ADD3: variants seen among roughly 807,000 people sequenced by gnomAD.
ADD3 encodes gamma-adducin.
In ADD3, 25 loss-of-function variants were observed where a neutral mutation model predicts 80.2. The observed-to-expected ratio is 0.31, with a 90% CI of 0.23 to 0.44. The LOEUF (loss-of-function observed/expected upper bound fraction) is 0.44. Ranked by LOEUF, ADD3 falls within the 20% of genes least tolerant of loss-of-function variation. ADD3 has a pLI of 1.00. For missense variants in ADD3, 829 were observed against 847.5 expected (o/e 0.98, Z 0.27); for synonymous variants, 284 against 289.6 (o/e 0.98, Z 0.20).
intron 1 of ADD3, among the ~76,000 whole-genome samples, chr10:110,019,196 T>A (rs1853358297): frequency 6.6e-6 from 1 of 152,210 alleles, no homozygotes; most frequent in Non-Finnish European, 1.5e-5. Flanking sequence ...ACCATTTCAC[T>A]TAAAATTTTT....
chr10:110,034,326 T>C (rs1048378132), intron 1 of ADD3, among the ~76,000 whole-genome samples: 4 of 152,136 alleles, frequency 2.6e-5, no homozygotes, highest in African/African-American at 9.7e-5. Context: ...TGAATTGATA[T>C]TGACATATAT....
chr10:110,025,755 TCATTA>T (rs1188935017), intron 1 of ADD3, among the ~76,000 whole-genome samples: 1 of 152,180 alleles, frequency 6.6e-6, no homozygotes, highest in Non-Finnish European at 1.5e-5. Flanking sequence ...TTTTTTCACT[TCATTA>T]CATTACGAGC....
At chr10:110,062,024 C>T (rs1307505758) in intron 1 of ADD3, among the ~76,000 whole-genome samples, 2 of 151,730 alleles carry the variant, frequency 1.3e-5, no homozygotes, top group East Asian at 3.9e-4. Flanking sequence ...CCCAGAAATT[C>T]GAGGCTAGCC....
intron 1 of ADD3, among the ~76,000 whole-genome samples, chr10:110,054,190 T>G: frequency 6.6e-6 from 1 of 152,326 alleles, no homozygotes; most frequent in East Asian, 1.9e-4. Context: ...TTAAAATTTA[T>G]TTTGGGGGAA....
intron 1 of ADD3, among the ~76,000 whole-genome samples, chr10:110,045,277 C>T (rs562489527): frequency 1.2e-3 from 185 of 152,224 alleles, no homozygotes; most frequent in African/African-American, 4.1e-3. Context: ...TTGCTTGAAC[C>T]CAGGAGTCGG....
At chr10:110,002,077 G>A (rs752154997), upstream of ADD3, among the ~76,000 whole-genome samples, 17 of 152,044 alleles carry the variant, frequency 1.1e-4, no homozygotes, top group East Asian at 3.9e-4. Flanking sequence ...CAGATCGCTC[G>A]AGGCCAGGAG....
intron 14 of ADD3, 29 bp downstream of exon 14, chr10:110,132,429 T>A (rs1853148415): frequency 4.2e-6 from 6 of 1,444,902 alleles, no homozygotes; most frequent in Non-Finnish European, 5.8e-6. Flanking sequence ...CACATAGCAT[T>A]CACTGAGTTA....
intron 1 of ADD3, among the ~76,000 whole-genome samples, chr10:110,041,597 A>T (rs181736280): frequency 6.6e-6 from 1 of 152,310 alleles, no homozygotes; most frequent in East Asian, 1.9e-4. Context: ...TAGGATGTTC[A>T]CACTCACATT....
At chr10:110,041,283 A>C (rs1282698922) in intron 1 of ADD3, among the ~76,000 whole-genome samples, 1 of 152,192 alleles carries the variant, frequency 6.6e-6, no homozygotes, top group Non-Finnish European at 1.5e-5. Context: ...TGTGGGAGGC[A>C]GATGAGGTTT....
chr10:110,062,872 A>G (rs1859100286), intron 1 of ADD3, among the ~76,000 whole-genome samples: 1 of 152,204 alleles, frequency 6.6e-6, no homozygotes. Context: ...TACACTGAGA[A>G]TTCAGAAAAT....
intron 12 of ADD3, among the ~76,000 whole-genome samples, chr10:110,129,979 A>C (rs1021060745): frequency 3.3e-5 from 5 of 152,288 alleles, no homozygotes; most frequent in Middle Eastern, 3.4e-3. Flanking sequence ...GATTTAAAGA[A>C]CTACTTTTGG....
chr10:110,054,475 C>T, intron 1 of ADD3, among the ~76,000 whole-genome samples: 1 of 139,808 alleles, frequency 7.2e-6, no homozygotes, highest in Non-Finnish European at 1.5e-5. Flanking sequence ...GGAGTCTTGC[C>T]ATGTTGCCCA....
chr10:110,126,409 C>A lies in ADD3; in HGVS notation c.1522-8C>A, dbSNP rs1852164866. ...AAGAACTTTATATTGAATTGTTTTT[C>A]AATTCAGATTCGGGAACAAAATCGA... is the stretch of plus-strand genomic sequence containing the variant. On this transcript the variant is annotated splice_region_variant and splice_polypyrimidine_tract_variant and intron_variant, in intron 11 of 14. Transcript: ENST00000356080. 4 of 1,610,100 alleles carry A rather than the reference C, an allele frequency of 2.5e-6. No homozygotes were observed. In the South Asian group the frequency reaches 4.4e-5, roughly 18 times the overall value.
chr10:110,023,107 T>G (rs972502166), intron 1 of ADD3, among the ~76,000 whole-genome samples: 2 of 152,102 alleles, frequency 1.3e-5, no homozygotes, highest in African/African-American at 2.4e-5. Flanking sequence ...GCAAAGAGGT[T>G]AGGAGGCATT....
chr10:110,081,145 T>A (rs1045103076), intron 1 of ADD3, among the ~76,000 whole-genome samples: 1 of 152,244 alleles, frequency 6.6e-6, no homozygotes, highest in Non-Finnish European at 1.5e-5. Flanking sequence ...TTAGTTTCTT[T>A]GCAGAAGGCT....
chr10:110,133,806 A>C lies in ADD3; in HGVS notation c.*188A>C. The C allele has an allele frequency of 2.2e-6, 1 of 451,850 alleles. No individual in the cohort carries two copies. Among genetic ancestry groups the C allele is most frequent in the Non-Finnish European group, 3.8e-6 (1 of 263,232 alleles). The allele number at this position is 451,850 out of a possible 1,614,324, so 28.0% of individuals were successfully genotyped here. A position where few individuals can be genotyped will look rare whatever the true frequency, so the allele number is the denominator to read the frequency against. ...TCATCTCTCATTTTATATGTCCAGAAATGGCTTTGAATTTTAAGCAATTAC... is the reference window on the plus strand; with the variant it reads ...TCATCTCTCATTTTATATGTCCAGACATGGCTTTGAATTTTAAGCAATTAC... On this transcript the variant is annotated 3_prime_UTR_variant, in exon 15 of 15. Transcript: ENST00000356080.
rs181525354 is a variant in ADD3, at chr10:110,059,376, G to A, written c.-29-41249G>A. ...AATCCCAGCTACTCAGGAGGCTGAC[G>A]CAGGAGAATTGCTTGAACCCGGGAG... On this transcript the variant is annotated intron_variant, in intron 1 of 14. Coordinates refer to ENST00000356080, the MANE Select transcript of ADD3 (RefSeq NM_016824.5). Among the ~76,000 whole-genome samples the A allele has an allele frequency of 1.7e-4, 26 of 152,276 alleles. No homozygotes were observed. The East Asian group carries it at 5.0e-3, about 29-fold the overall frequency.
intron 5 of ADD3, among the ~76,000 whole-genome samples, chr10:110,117,861 A>C (rs1032052566): frequency 2.6e-5 from 4 of 152,070 alleles, no homozygotes; most frequent in Non-Finnish European, 4.4e-5. Flanking sequence ...TAAAGATAAC[A>C]AAAAATTAGC....
At chr10:110,104,522 G>T (rs1390888724) in intron 2 of ADD3, among the ~76,000 whole-genome samples, 2 of 152,032 alleles carry the variant, frequency 1.3e-5, no homozygotes, top group Non-Finnish European at 2.9e-5. Context: ...AAAAAATTTT[G>T]TCAGTCTCCT....
Sources: gnomAD v4.1 joint callset for allele counts (sites outside exome capture counted in the v4.1 genomes callset) on GRCh38, gnomAD v4.1.1 for gene constraint, MANE v1.5 for transcripts, NCBI Gene and HGNC (gene_info 2026-07-23, HGNC 2026-07-21) for gene names.